The following RASA1 variants were observed in gnomAD, a reference collection of about 807,000 sequenced individuals.
RASA1 encodes ras GTPase-activating protein 1.
In RASA1, 25 loss-of-function variants were observed where a neutral mutation model predicts 132.2. That is an observed-to-expected ratio of 0.19 (90% CI 0.14 to 0.26). RASA1 has a LOEUF of 0.26. RASA1 is among the 10% of genes least tolerant of loss of function. The pLI is 1.00. For synonymous variants in RASA1, 477 were observed against 449.9 expected (o/e 1.06, Z -0.76); for missense variants, 964 against 1,299.2 (o/e 0.74, Z 3.97).
chr5:87,294,820 G>T (rs567541117), intron 1 of RASA1, among the ~76,000 whole-genome samples: 1 of 152,172 alleles, frequency 6.6e-6, no homozygotes, highest in Non-Finnish European at 1.5e-5. Context: ...TGTGCAGTCT[G>T]CTGTTGTTGG....
At chr5:87,281,883 T>C (rs966896948) in intron 1 of RASA1, among the ~76,000 whole-genome samples, 2 of 152,136 alleles carry the variant, frequency 1.3e-5, no homozygotes, top group Non-Finnish European at 2.9e-5. Flanking sequence ...CCCCAGCCTA[T>C]TGCCTATTTT....
Position 87,386,022 on chromosome 5 carries a change from T to C in RASA1, c.2847+633T>C, listed in dbSNP as rs370895400. On this transcript the variant is annotated intron_variant, in intron 22 of 24. Transcript: ENST00000274376. ...ACTAAGTAAATACGTTTTAGGCTTT[T>C]GCTATGTGTTACAAGATTTCCTGTC... Among the ~76,000 whole-genome samples the C allele has an allele frequency of 1.1e-4, 16 of 152,188 alleles. No homozygotes were observed. In the East Asian group the frequency reaches 2.5e-3, roughly 24 times the overall value.
intron 1 of RASA1, among the ~76,000 whole-genome samples, chr5:87,269,859 G>A (rs1162545501): frequency 6.6e-6 from 1 of 152,088 alleles, no homozygotes; most frequent in African/African-American, 2.4e-5. Flanking sequence ...ATTCTTAAAG[G>A]TGGACCTTGA....
chr5:87,343,552 C>G (rs753336838), intron 6 of RASA1, among the ~76,000 whole-genome samples: 1 of 152,020 alleles, frequency 6.6e-6, no homozygotes, highest in Non-Finnish European at 1.5e-5. Flanking sequence ...TGGCTTTTAT[C>G]CAAAAGATAG....
intron 8 of RASA1, among the ~76,000 whole-genome samples, chr5:87,350,979 T>C (rs2112425918): frequency 6.6e-6 from 1 of 151,850 alleles, no homozygotes; most frequent in South Asian, 2.1e-4. Context: ...CCTAGGAAGA[T>C]AAATCTTTGT....
At chr5:87,385,182 G>A (rs1475172674) in intron 21 of RASA1, 119 bp from the exon 22 acceptor site, 6 of 727,766 alleles carry the variant, frequency 8.2e-6, no homozygotes, top group East Asian at 2.7e-5. Flanking sequence ...TCTGAGTTCC[G>A]AATGGAAGAA....
chr5:87,315,562 A>C (rs1418167917), intron 1 of RASA1, among the ~76,000 whole-genome samples: 1 of 152,236 alleles, frequency 6.6e-6, no homozygotes, highest in Non-Finnish European at 1.5e-5. Context: ...CTTTTAAAAA[A>C]ATCTTGTGTT....
At position 87,268,132 on chromosome 5, in the gene RASA1, TTTA is replaced by T; in HGVS notation, c.-319_-317del. The T allele has an allele frequency of 2.3e-6, 1 of 430,870 alleles. No individual in the cohort carries two copies. Among genetic ancestry groups the T allele is most frequent in the Non-Finnish European group, 4.1e-6 (1 of 244,478 alleles). 26.7% of individuals were successfully genotyped at this position (430,870 alleles called of 1,614,324 possible). ...CTCTTTCCCTGTGCTTCCTTTCCTC[TTTA>T]GTGCAGCGAGGAAGTTTTCGCTTCT... On this transcript the variant is annotated 5_prime_UTR_variant, in exon 1 of 25. Coordinates refer to ENST00000274376, the MANE Select transcript of RASA1 (RefSeq NM_002890.3).
chr5:87,380,453 G>A (rs1761630871), intron 19 of RASA1, 56 bp from the exon 20 acceptor site: 3 of 1,444,486 alleles, frequency 2.1e-6, no homozygotes, highest in East Asian at 2.3e-5. Context: ...TTGGCTGCTA[G>A]GAGATCAGTG....
At chr5:87,286,739 A>G (rs1754581553) in intron 1 of RASA1, among the ~76,000 whole-genome samples, 5 of 151,500 alleles carry the variant, frequency 3.3e-5, no homozygotes, top group Admixed American at 3.3e-4. Context: ...TTCAGATATA[A>G]TTTTGACCAT....
chr5:87,366,438 A>C (rs976663556), intron 11 of RASA1: 30 of 365,214 alleles, frequency 8.2e-5, no homozygotes, highest in Admixed American at 1.9e-4. Flanking sequence ...TGCCAGAGTA[A>C]AAAGAAGGAT....
At chr5:87,277,489 C>G (rs778305135) in intron 1 of RASA1, among the ~76,000 whole-genome samples, 4 of 152,104 alleles carry the variant, frequency 2.6e-5, no homozygotes, top group African/African-American at 4.8e-5. Flanking sequence ...AAGAAAAGGT[C>G]ATGTGAGGAC....
At chr5:87,277,486 G>T (rs541390639) in intron 1 of RASA1, among the ~76,000 whole-genome samples, 1 of 152,272 alleles carries the variant, frequency 6.6e-6, no homozygotes, top group South Asian at 2.1e-4. Flanking sequence ...ATCAAGAAAA[G>T]GTCATGTGAG....
chr5:87,330,997 C>T, intron 1 of RASA1: 1 of 1,410,566 alleles, frequency 7.1e-7, no homozygotes. Flanking sequence ...GTAAATTAAT[C>T]ATTTCCATTT....
intron 15 of RASA1, 109 bp downstream of exon 15, chr5:87,375,025 G>A: frequency 7.4e-7 from 1 of 1,357,052 alleles, no homozygotes; most frequent in Non-Finnish European, 9.8e-7. Flanking sequence ...AATGCAAGTA[G>A]TATAATTTGA....
intron 1 of RASA1, among the ~76,000 whole-genome samples, chr5:87,323,911 A>C (rs1025408239): frequency 1.3e-5 from 2 of 152,028 alleles, no homozygotes. Flanking sequence ...GTATCCTCCT[A>C]CTTACTATAC....
At chr5:87,352,797 T>C (rs1389384585) in intron 8 of RASA1, among the ~76,000 whole-genome samples, 3 of 151,872 alleles carry the variant, frequency 2.0e-5, no homozygotes, top group African/African-American at 7.2e-5. Flanking sequence ...TTTCTGTGAA[T>C]TCTTCATTCT....
intron 1 of RASA1, among the ~76,000 whole-genome samples, chr5:87,275,489 G>A (rs578147188): frequency 6.6e-6 from 1 of 152,108 alleles, no homozygotes; most frequent in East Asian, 1.9e-4. Context: ...GCCTCAACTG[G>A]GATGGCTGGA....
At chr5:87,356,264 G>A (rs1759641280) in intron 9 of RASA1, among the ~76,000 whole-genome samples, 1 of 152,060 alleles carries the variant, frequency 6.6e-6, no homozygotes, top group South Asian at 2.1e-4. Flanking sequence ...TTAAGAAATT[G>A]CCACAACCAC....
Sources: allele counts gnomAD v4.1 joint callset (sites outside exome capture counted in the v4.1 genomes callset), GRCh38; gene constraint gnomAD v4.1.1; transcripts MANE v1.5; gene names NCBI Gene and HGNC (gene_info 2026-07-23, HGNC 2026-07-21).